The following GLIPR1L2 variants were observed in gnomAD, a reference collection of about 807,000 sequenced individuals.
The protein encoded by GLIPR1L2 is GLIPR1-like protein 2.
GLIPR1L2 carries 21 observed loss-of-function variants against 28.4 expected under a neutral mutation model. The ratio of observed to expected loss-of-function variants is 0.74; its 90% CI spans 0.52 to 1.06. The LOEUF is 1.06. Ranked by LOEUF, GLIPR1L2 falls within the 50% of genes least tolerant of loss-of-function variation. GLIPR1L2 has a pLI of 0.00. For missense variants in GLIPR1L2, 476 were observed against 416.9 expected (o/e 1.14, Z -1.23); for synonymous variants, 145 against 139.3 (o/e 1.04, Z -0.29).
In GLIPR1L2 at chr12:75,431,597, G is replaced by A. The variant is rs2139973044; in HGVS notation, c.*436G>A. On this transcript the variant is annotated 3_prime_UTR_variant, in exon 6 of 6. Transcript: ENST00000550916. ...AAATTTGTATTTTTTTGTTTTTACT[G>A]TTACTGTCATAGTTTTTATTGGTGG... 6.5e-6 allele frequency: 1 copy of A among 154,680 alleles called. No homozygotes were observed. Among genetic ancestry groups the A allele is most frequent in the South Asian group, 2.0e-4 (1 of 5,034 alleles). 9.6% of individuals were successfully genotyped at this position (154,680 alleles called of 1,614,324 possible). A position where few individuals can be genotyped will look rare whatever the true frequency, so the allele number is the denominator to read the frequency against.
At chr12:75,419,204 G>A (rs930479949) in intron 3 of GLIPR1L2, among the ~76,000 whole-genome samples, 3 of 152,108 alleles carry the variant, frequency 2.0e-5, no homozygotes, top group Non-Finnish European at 4.4e-5. Context: ...AGAATGGATA[G>A]GGAGAAAATA....
chr12:75,394,227 T>C (rs2045659464), intron 1 of GLIPR1L2, among the ~76,000 whole-genome samples: 1 of 152,082 alleles, frequency 6.6e-6, no homozygotes, highest in South Asian at 2.1e-4. Context: ...TTGCACTCTA[T>C]TGATAATATC....
At chr12:75,416,173 G>C (rs2139951476) in intron 3 of GLIPR1L2, among the ~76,000 whole-genome samples, 1 of 152,220 alleles carries the variant, frequency 6.6e-6, no homozygotes, top group East Asian at 1.9e-4. Flanking sequence ...ATGCCTATGT[G>C]TTTAGTCTAA....
chr12:75,408,480 C>T (rs4882619), intron 1 of GLIPR1L2, among the ~76,000 whole-genome samples: 48,760 of 151,732 alleles, frequency 0.32, 8,648 homozygotes, highest in East Asian at 0.46. Context: ...TTGGAACATT[C>T]AGTGAGATAA....
Position 75,391,108 on chromosome 12 carries a change from C to A in GLIPR1L2, c.-9C>A. ...GCGTGCGCACTGGCCTGTCAGCGGC[C>A]GGTGGACCATGGAGGCCGCAAGGCC... On this transcript the variant is annotated 5_prime_UTR_variant, in exon 1 of 6. Coordinates refer to ENST00000550916, the MANE Select transcript of GLIPR1L2 (RefSeq NM_001270396.2). The A allele has an allele frequency of 6.2e-7, 1 of 1,602,870 alleles. No individual in the cohort carries two copies. The highest frequency in any genetic ancestry group is 8.5e-7 in the Non-Finnish European group (1 of 1,171,296).
rs1226278985 is a variant in GLIPR1L2, at chr12:75,391,316, A to G, written c.200A>G (p.Asp67Gly). ...AACCTCCACAATGAGCTGCGGGGCG[A>G]CGTCATTCCCCGAGGGTCTAACTTG... Reference protein sequence around the residue: ...YVNLHNELRGDVIPRGSNLRF... With the variant: ...YVNLHNELRGGVIPRGSNLRF... The change falls in exon 1 of 6, where the codon GAC becomes GGC. Residue 67 changes from aspartate to glycine, a missense_variant. Transcript: ENST00000550916. The G allele has an allele frequency of 6.2e-7, 1 of 1,614,040 alleles. No individual in the cohort carries two copies. Among genetic ancestry groups the G allele is most frequent in the Non-Finnish European group, 8.5e-7 (1 of 1,180,012 alleles).
chr12:75,422,593 C>T lies in GLIPR1L2; in HGVS notation c.585-311C>T, dbSNP rs530909690. ...CTGGGATTACGGGCATGAGCCACCG[C>T]GCCCGGTCTACATCATTCATTTTTA... is the stretch of plus-strand genomic sequence containing the variant. On this transcript the variant is annotated intron_variant, in intron 3 of 5. Coordinates refer to ENST00000550916, the MANE Select transcript of GLIPR1L2 (RefSeq NM_001270396.2). Among the ~76,000 whole-genome samples, 6 of 152,216 alleles carry T rather than the reference C, an allele frequency of 3.9e-5. No homozygotes were observed. The South Asian group carries it at 6.2e-4, about 16-fold the overall frequency.
rs567677591 is a variant in GLIPR1L2 at position 75,393,649 on chromosome 12, G to A, written c.234+2299G>A. On this transcript the variant is annotated intron_variant, in intron 1 of 5. Transcript: ENST00000550916. ...TTTGTTTATCCATTCATTGGTCAGT[G>A]GATATTTAGATTGCTTCCATTATTT... Among the ~76,000 whole-genome samples the A allele has an allele frequency of 3.3e-5, 5 of 152,086 alleles. No individual in the cohort carries two copies. In the East Asian group the frequency reaches 7.7e-4, roughly 23 times the overall value.
intron 2 of GLIPR1L2, among the ~76,000 whole-genome samples, chr12:75,411,619 T>C (rs1213562764): frequency 2.0e-5 from 3 of 151,902 alleles, no homozygotes; most frequent in African/African-American, 7.2e-5. Context: ...CTCCCTAACA[T>C]AGTACTCTGT....
intron 1 of GLIPR1L2, among the ~76,000 whole-genome samples, chr12:75,407,634 G>A (rs1297608642): frequency 6.6e-6 from 1 of 152,030 alleles, no homozygotes; most frequent in African/African-American, 2.4e-5. Flanking sequence ...AATTGTCTTT[G>A]AGCTAGGCAA....
chr12:75,396,558 G>C (rs888559881), intron 1 of GLIPR1L2, among the ~76,000 whole-genome samples: 1 of 152,154 alleles, frequency 6.6e-6, no homozygotes, highest in Non-Finnish European at 1.5e-5. Context: ...TCACACTCTT[G>C]AATGATATTG....
intron 3 of GLIPR1L2, among the ~76,000 whole-genome samples, chr12:75,414,353 A>T (rs1263208871): frequency 6.6e-6 from 1 of 152,078 alleles, no homozygotes; most frequent in East Asian, 1.9e-4. Context: ...TATTATTATA[A>T]CTTCCAAATA....
chr12:75,396,804 G>A (rs1033968310), intron 1 of GLIPR1L2, among the ~76,000 whole-genome samples: 1 of 152,156 alleles, frequency 6.6e-6, no homozygotes, highest in Non-Finnish European at 1.5e-5. Context: ...TCTGAAGTGT[G>A]CTAAAGTTTG....
At chr12:75,417,571 T>G (rs2045935388) in intron 3 of GLIPR1L2, among the ~76,000 whole-genome samples, 1 of 151,950 alleles carries the variant, frequency 6.6e-6, no homozygotes, top group South Asian at 2.1e-4. Flanking sequence ...AAAATTTTTC[T>G]CAGAAACACA....
intron 3 of GLIPR1L2, among the ~76,000 whole-genome samples, chr12:75,418,160 A>AG (rs1197265870): frequency 6.6e-6 from 1 of 152,144 alleles, no homozygotes; most frequent in East Asian, 1.9e-4. Context: ...TATATAGATG[A>AG]GGGTCAATAA....
intron 1 of GLIPR1L2, among the ~76,000 whole-genome samples, chr12:75,399,733 G>C (rs951368952): frequency 1.3e-5 from 2 of 152,026 alleles, no homozygotes; most frequent in Admixed American, 1.3e-4. Flanking sequence ...TAACATTTTT[G>C]TGTAGCTGAC....
intron 1 of GLIPR1L2, among the ~76,000 whole-genome samples, chr12:75,400,334 G>C (rs1026895183): frequency 6.6e-6 from 1 of 151,954 alleles, no homozygotes; most frequent in Non-Finnish European, 1.5e-5. Context: ...CCACGTTATA[G>C]GATGGTCTCA....
intron 1 of GLIPR1L2, among the ~76,000 whole-genome samples, chr12:75,406,941 C>A (rs1048237278): frequency 6.6e-6 from 1 of 151,918 alleles, no homozygotes; most frequent in Non-Finnish European, 1.5e-5. Context: ...TCACAAAAGT[C>A]CCACCTAGCC....
At chr12:75,423,353 A>G in intron 4 of GLIPR1L2, 1 of 1,042,782 alleles carries the variant, frequency 9.6e-7, no homozygotes, top group Non-Finnish European at 1.2e-6. Context: ...AGTAGCATAT[A>G]TTTAATACCC....
Sources: allele counts gnomAD v4.1 joint callset (sites outside exome capture counted in the v4.1 genomes callset), GRCh38; gene constraint gnomAD v4.1.1; transcripts MANE v1.5; gene names NCBI Gene and HGNC (gene_info 2026-07-23, HGNC 2026-07-21).